Variants in POLQ observed in about 807,000 individuals in gnomAD.
POLQ encodes epididymis secretory sperm binding protein.
In POLQ, 233 loss-of-function variants were observed where a neutral mutation model predicts 259.2. The observed-to-expected ratio is 0.90, with a 90% CI of 0.81 to 1.00. The LOEUF is 1.00. Ranked by LOEUF, POLQ falls within the 50% of genes least tolerant of loss-of-function variation. POLQ has a pLI of 0.00. For synonymous variants in POLQ, 1,025 were observed against 1,048.8 expected (o/e 0.98, Z 0.44); for missense variants, 2,871 against 3,051.6 (o/e 0.94, Z 1.39).
chr3:121,506,739 T>C (rs1242838987), intron 12 of POLQ, among the ~76,000 whole-genome samples: 2 of 152,218 alleles, frequency 1.3e-5, no homozygotes, highest in Non-Finnish European at 2.9e-5. Context: ...AAATCACTTA[T>C]GGTTTTACAT....
chr3:121,493,040 G>A (rs371916889), intron 15 of POLQ, among the ~76,000 whole-genome samples: 29 of 151,990 alleles, frequency 1.9e-4, no homozygotes, highest in Admixed American at 1.6e-3. Flanking sequence ...TTTGGCTCAC[G>A]CCTATAATCC....
chr3:121,454,131 A>C (rs2047708017), intron 25 of POLQ, among the ~76,000 whole-genome samples: 1 of 152,198 alleles, frequency 6.6e-6, no homozygotes, highest in Non-Finnish European at 1.5e-5. Context: ...CAGCCAAACT[A>C]AGCTTCATTA....
intron 14 of POLQ, chr3:121,494,723 C>T (rs1281393538): frequency 1.3e-6 from 2 of 1,575,738 alleles, no homozygotes; most frequent in Middle Eastern, 2.3e-4. Context: ...CGCCTTCACA[C>T]AGGTGAACTC....
In POLQ at chr3:121,472,021, G is replaced by A. The variant is rs747507776; in HGVS notation, c.6687C>T (p.Ile2229=). The change falls in exon 22 of 30, where the codon ATC becomes ATT. Residue 2229 remains isoleucine (I), a synonymous_variant. Transcript: ENST00000264233. ...CAGTGTGCGACTGTGATACAGGATA[G>A]ATTCTTTCCATTCCAAGAAAAGGAT... The part of the protein sequence containing the change: ...CLNPFLGMER[I]YPVSQSHTAT... 7.6e-6 allele frequency: 12 copies of A among 1,575,392 alleles called. No homozygotes were observed. The highest frequency in any genetic ancestry group is 1.2e-5 in the South Asian group (1 of 85,850).
intron 28 of POLQ, among the ~76,000 whole-genome samples, chr3:121,434,983 C>T (rs537836698): frequency 3.5e-4 from 54 of 152,152 alleles, no homozygotes; most frequent in Middle Eastern, 3.4e-3. Flanking sequence ...ATGGTGAAAC[C>T]CCCTCTCTAC....
intron 26 of POLQ, among the ~76,000 whole-genome samples, chr3:121,448,378 A>AT (rs368294597): frequency 6.6e-6 from 1 of 151,342 alleles, no homozygotes; most frequent in Non-Finnish European, 1.5e-5. Context: ...ATTTTATTTT[A>AT]TTTTTTGGGA....
At position 121,476,587 on chromosome 3, in the gene POLQ, G is replaced by C. The variant is rs1318200060; in HGVS notation, c.6358C>G (p.Leu2120Val). 6.2e-7 allele frequency: 1 copy of C among 1,613,910 alleles called. No individual in the cohort carries two copies. The change falls in exon 20 of 30, where the codon CTA becomes GTA. Residue 2120 changes from leucine to valine, a missense_variant. Transcript: ENST00000264233. ...LDAIETQAYQLAGHSFSFTSS... is the reference protein window; with the variant it reads ...LDAIETQAYQVAGHSFSFTSS... ...GTGAAAGAAAAACTGTGGCCAGCTA[G>C]TTGATAGGCCTGGGTCTCAATTGCA...
chr3:121,458,574 G>A (rs2047762780), intron 25 of POLQ, among the ~76,000 whole-genome samples: 1 of 152,098 alleles, frequency 6.6e-6, no homozygotes, highest in South Asian at 2.1e-4. Context: ...TGGGTTATGA[G>A]AATTAAATAT....
chr3:121,445,228 T>C (rs562083348), intron 26 of POLQ, among the ~76,000 whole-genome samples: 1 of 152,316 alleles, frequency 6.6e-6, no homozygotes, highest in East Asian at 1.9e-4. Flanking sequence ...GGGAAGCCAT[T>C]GAGTCCCAGG....
chr3:121,474,944 A>G (rs12496163), intron 20 of POLQ, among the ~76,000 whole-genome samples: 90,736 of 152,056 alleles, frequency 0.6, 28,032 homozygotes, highest in East Asian at 0.89. Context: ...ATGTAAGTAT[A>G]CAATGTGGTG....
chr3:121,478,564 T>C (rs1369878300), intron 19 of POLQ, among the ~76,000 whole-genome samples: 1 of 103,828 alleles, frequency 9.6e-6, no homozygotes, highest in Non-Finnish European at 1.9e-5. Flanking sequence ...TCACAATAAA[T>C]TGGCAAATTT....
chr3:121,534,619 C>T (rs2048437979), intron 5 of POLQ, among the ~76,000 whole-genome samples: 1 of 152,206 alleles, frequency 6.6e-6, no homozygotes, highest in Non-Finnish European at 1.5e-5. Context: ...CCATGCTTGG[C>T]CTTTTTTCTA....
chr3:121,474,326 G>C (rs1313354442), intron 20 of POLQ, among the ~76,000 whole-genome samples: 1 of 152,152 alleles, frequency 6.6e-6, no homozygotes, highest in East Asian at 1.9e-4. Flanking sequence ...AATACAATGT[G>C]GCAATAATGA....
intron 20 of POLQ, 52 bp downstream of exon 20, chr3:121,476,487 AT>A: frequency 6.5e-6 from 8 of 1,222,972 alleles, no homozygotes; most frequent in East Asian, 2.4e-5. Context: ...CACACACACA[AT>A]CATTTTAACT....
chr3:121,524,631 A>G lies in POLQ; in HGVS notation c.1109-2482T>C, dbSNP rs746123179. Among the ~76,000 whole-genome samples the G allele has an allele frequency of 2.4e-4, 36 of 152,116 alleles. 1 individual carries two copies. The highest frequency in any genetic ancestry group is 7.3e-5 in the Non-Finnish European group (5 of 68,038). On this transcript the variant is annotated intron_variant, in intron 7 of 29. Coordinates refer to ENST00000264233, the MANE Select transcript of POLQ (RefSeq NM_199420.4). ...CAAGCTAGATACAAAAGACACATACATACTGTATGACTTTATTTACGTGGA... is the reference window on the plus strand; with the variant it reads ...CAAGCTAGATACAAAAGACACATACGTACTGTATGACTTTATTTACGTGGA...
intron 28 of POLQ, among the ~76,000 whole-genome samples, chr3:121,433,546 G>A (rs962239896): frequency 2.0e-5 from 3 of 152,150 alleles, no homozygotes; most frequent in African/African-American, 7.2e-5. Context: ...GTAAAACCTA[G>A]GCTCCCAAAG....
chr3:121,530,852 A>C (rs1027191605), intron 6 of POLQ, among the ~76,000 whole-genome samples: 1 of 152,202 alleles, frequency 6.6e-6, no homozygotes, highest in African/African-American at 2.4e-5. Flanking sequence ...CTACCCTCAT[A>C]ATGTTTCTAC....
chr3:121,510,166 C>A lies in POLQ; in HGVS notation c.1689G>T (p.Met563Ile), dbSNP rs2048242742. 6.2e-7 allele frequency: 1 copy of A among 1,613,950 alleles called. No individual in the cohort carries two copies. Among genetic ancestry groups the A allele is most frequent in the Non-Finnish European group, 8.5e-7 (1 of 1,179,902 alleles). The change falls in exon 11 of 30, where the codon ATG becomes ATT. Residue 563 changes from methionine to isoleucine, a missense_variant. Coordinates refer to ENST00000264233, the MANE Select transcript of POLQ (RefSeq NM_199420.4). Reference sequence around the variant, plus strand: ...TCTGAATTCCTTGCTTCCCTTCTTTCATACTTGCAGCCAAAAATGTGCAGG... The same window carrying A: ...TCTGAATTCCTTGCTTCCCTTCTTTAATACTTGCAGCCAAAAATGTGCAGG... ...YAACTFLAAS[M>I]KEGKQGIQRN...
Position 121,496,861 on chromosome 3 carries a change from C to A in POLQ, c.2225G>T (p.Gly742Val). 6.2e-7 allele frequency: 1 copy of A among 1,613,750 alleles called. No individual in the cohort carries two copies. The highest frequency in any genetic ancestry group is 8.5e-7 in the Non-Finnish European group (1 of 1,179,836). The stretch of plus-strand genomic sequence containing the variant: ...AGATTGAATCTGCCCACGATTGCAT[C>A]CATATTTCTGATTTATTTCCCTTAA... ...VPLREINQKY[G>V]CNRGQIQSLQ... Residue 742 changes from glycine to valine, a missense_variant, in exon 14 of 30, where the codon GGA becomes GTA. By Grantham distance (109) the Gly-to-Val change is moderately radical. Transcript: ENST00000264233.
Sources: allele counts gnomAD v4.1 joint callset (sites outside exome capture counted in the v4.1 genomes callset), GRCh38; gene constraint gnomAD v4.1.1; transcripts MANE v1.5; gene names NCBI Gene and HGNC (gene_info 2026-07-23, HGNC 2026-07-21).